Variants in MCTP1 observed in about 807,000 individuals in gnomAD.
The protein encoded by MCTP1 is multiple C2 and transmembrane domain containing 1.
A neutral mutation model predicts 120.6 loss-of-function variants in MCTP1; 69 were observed. The ratio of observed to expected loss-of-function variants is 0.57; its 90% CI spans 0.47 to 0.70. MCTP1 has a LOEUF of 0.70. Ranked by LOEUF, MCTP1 falls within the 30% of genes least tolerant of loss-of-function variation. The pLI is 0.00. For missense variants in MCTP1, 1,203 were observed against 1,248.8 expected (o/e 0.96, Z 0.55); for synonymous variants, 529 against 493.1 (o/e 1.07, Z -0.96).
chr5:94,849,543 G>T (rs1213727023), intron 17 of MCTP1, among the ~76,000 whole-genome samples: 1 of 152,108 alleles, frequency 6.6e-6, no homozygotes, highest in East Asian at 1.9e-4. Flanking sequence ...CTCACAGGGG[G>T]CAGGTAGTAA....
At chr5:95,009,795 C>T (rs912908883) in intron 2 of MCTP1, among the ~76,000 whole-genome samples, 1 of 152,124 alleles carries the variant, frequency 6.6e-6, no homozygotes, top group Non-Finnish European at 1.5e-5. Context: ...CTTTCTAATT[C>T]ATTATGCTGC....
chr5:94,920,539 G>A (rs551598879), intron 7 of MCTP1, among the ~76,000 whole-genome samples: 20 of 151,892 alleles, frequency 1.3e-4, no homozygotes, highest in Non-Finnish European at 2.8e-4. Flanking sequence ...TCAGGAGATC[G>A]AGACCATCCT....
At chr5:94,882,427 T>A (rs1471660722) in intron 12 of MCTP1, among the ~76,000 whole-genome samples, 1 of 152,154 alleles carries the variant, frequency 6.6e-6, no homozygotes, top group Non-Finnish European at 1.5e-5. Context: ...TAAGTTTTTT[T>A]TTTTCAAAAA....
intron 14 of MCTP1, 65 bp downstream of exon 14, chr5:94,871,250 T>C: frequency 1.9e-6 from 2 of 1,072,470 alleles, no homozygotes; most frequent in Admixed American, 1.9e-5. Context: ...GAGTTTTCTT[T>C]TCTTTTTTTT....
Position 94,847,688 on chromosome 5 carries a change from A to G in MCTP1, c.2436+20645T>C, listed in dbSNP as rs531486015. Among the ~76,000 whole-genome samples, 1,247 of 142,602 alleles carry G rather than the reference A, an allele frequency of 8.7e-3. 23 individuals carry two copies. The highest frequency in any genetic ancestry group is 0.032 in the African/African-American group (1,132 of 35,112). The allele number at this position is 142,602 out of a possible 152,430, so 93.6% of individuals were successfully genotyped here. A position where few individuals can be genotyped will look rare whatever the true frequency, so the allele number is the denominator to read the frequency against. On this transcript the variant is annotated intron_variant, in intron 17 of 22. Transcript: ENST00000515393. ...TGTGTGTGTGTGTGTGTGTGTATATATATATATATATATATATGTATGTTG... is the reference window on the plus strand; with the variant it reads ...TGTGTGTGTGTGTGTGTGTGTATATGTATATATATATATATATGTATGTTG...
At chr5:94,957,231 C>A (rs949187036) in intron 2 of MCTP1, among the ~76,000 whole-genome samples, 9 of 152,096 alleles carry the variant, frequency 5.9e-5, no homozygotes, top group Non-Finnish European at 1.2e-4. Flanking sequence ...GATTTTGTCA[C>A]CACCAAGCCT....
chr5:95,237,002 T>G (rs1435454157), intron 1 of MCTP1, among the ~76,000 whole-genome samples: 2 of 152,314 alleles, frequency 1.3e-5, no homozygotes, highest in East Asian at 1.9e-4. Context: ...TTCCCTATAA[T>G]TCTTGTAGTC....
chr5:94,816,849 T>C (rs1784561422), intron 17 of MCTP1, among the ~76,000 whole-genome samples: 1 of 152,182 alleles, frequency 6.6e-6, no homozygotes, highest in Admixed American at 6.5e-5. Flanking sequence ...TTATTGAATA[T>C]AAATGAGTAT....
intron 20 of MCTP1, among the ~76,000 whole-genome samples, chr5:94,711,342 T>C (rs777933558): frequency 3.3e-5 from 5 of 152,124 alleles, no homozygotes; most frequent in Non-Finnish European, 5.9e-5. Flanking sequence ...TTCCCCATAT[T>C]GGGAATAAAA....
At chr5:95,103,501 G>C (rs1216741588) in intron 1 of MCTP1, among the ~76,000 whole-genome samples, 1 of 152,138 alleles carries the variant, frequency 6.6e-6, no homozygotes, top group Non-Finnish European at 1.5e-5. Context: ...ACATCATAAA[G>C]GACCTCATAT....
chr5:94,740,384 C>G (rs1044952827), intron 19 of MCTP1, among the ~76,000 whole-genome samples: 5 of 152,210 alleles, frequency 3.3e-5, no homozygotes, highest in African/African-American at 4.8e-5. Flanking sequence ...GGAAAACATA[C>G]TACTGCTGTA....
At chr5:95,170,045 T>A (rs1219474001) in intron 1 of MCTP1, among the ~76,000 whole-genome samples, 1 of 152,240 alleles carries the variant, frequency 6.6e-6, no homozygotes, top group Non-Finnish European at 1.5e-5. Flanking sequence ...CTTGTGGACA[T>A]TTAGTGCTAT....
intron 2 of MCTP1, among the ~76,000 whole-genome samples, chr5:94,997,596 CTT>C (rs1022878914): frequency 2.6e-5 from 4 of 152,096 alleles, no homozygotes; most frequent in African/African-American, 9.7e-5. Flanking sequence ...AGTCATGACT[CTT>C]TATAATGGGG....
At chr5:95,086,144 T>C (rs1027235012) in intron 1 of MCTP1, among the ~76,000 whole-genome samples, 2 of 152,168 alleles carry the variant, frequency 1.3e-5, no homozygotes, top group Non-Finnish European at 2.9e-5. Flanking sequence ...TCATTTTTCA[T>C]GAAGCATTAC....
At chr5:95,170,270 G>C (rs913712367) in intron 1 of MCTP1, among the ~76,000 whole-genome samples, 1 of 152,210 alleles carries the variant, frequency 6.6e-6, no homozygotes, top group African/African-American at 2.4e-5. Context: ...ACTGTGGTCT[G>C]AGAGACAGTT....
At chr5:94,841,349 A>G (rs1791004445) in intron 17 of MCTP1, among the ~76,000 whole-genome samples, 1 of 152,210 alleles carries the variant, frequency 6.6e-6, no homozygotes, top group Non-Finnish European at 1.5e-5. Flanking sequence ...TTCGATTGGA[A>G]AAGTTCTTAG....
chr5:94,753,863 G>A (rs895966721), intron 19 of MCTP1, among the ~76,000 whole-genome samples: 1 of 152,152 alleles, frequency 6.6e-6, no homozygotes, highest in African/African-American at 2.4e-5. Flanking sequence ...TGCATGGGGT[G>A]GAAGGAAAGC....
At chr5:95,031,972 C>A (rs1840389489) in intron 1 of MCTP1, among the ~76,000 whole-genome samples, 2 of 151,998 alleles carry the variant, frequency 1.3e-5, no homozygotes, top group African/African-American at 4.8e-5. Context: ...GAGTTTAAAT[C>A]AACAACAGTA....
At chr5:95,244,224 G>T (rs1181720332) in intron 1 of MCTP1, among the ~76,000 whole-genome samples, 8 of 152,204 alleles carry the variant, frequency 5.3e-5, no homozygotes, top group Non-Finnish European at 1.2e-4. Context: ...AAGTATAAAT[G>T]TACATCTGTA....
Sources: allele counts gnomAD v4.1 joint callset (sites outside exome capture counted in the v4.1 genomes callset), GRCh38; gene constraint gnomAD v4.1.1; transcripts MANE v1.5; gene names NCBI Gene and HGNC (gene_info 2026-07-23, HGNC 2026-07-21).